Variants in OPA1 observed in about 807,000 individuals in gnomAD.
OPA1 encodes OPA1 mitochondrial dynamin like GTPase.
In OPA1, 59 loss-of-function variants were observed where a neutral mutation model predicts 152.9. The ratio of observed to expected loss-of-function variants is 0.39; its 90% CI spans 0.31 to 0.48. The LOEUF (loss-of-function observed/expected upper bound fraction) is 0.48. Among genes scored for constraint, OPA1 ranks in the 20% least tolerant of loss-of-function variants. OPA1 has a pLI of 0.96. For missense variants in OPA1, 1,008 were observed against 1,216.8 expected (o/e 0.83, Z 2.55); for synonymous variants, 400 against 389.9 (o/e 1.03, Z -0.31).
chr3:193,678,530 C>T (rs749529455), intron 29 of OPA1, among the ~76,000 whole-genome samples: 4 of 152,120 alleles, frequency 2.6e-5, no homozygotes, highest in African/African-American at 4.8e-5. Flanking sequence ...ACCCACAGCT[C>T]GTTGTCATTG....
chr3:193,637,887 A>G lies in OPA1; in HGVS notation c.1036-65A>G. ...CTAAAAAACTCAGAGCAGCATTACA[A>G]ATAGGTTTTAATTTTAATTTGGTAT... On this transcript the variant is annotated intron_variant, in intron 10 of 30. Transcript: ENST00000361510. 6.2e-6 allele frequency: 8 copies of G among 1,287,154 alleles called. No individual in the cohort carries two copies. In the South Asian group the frequency reaches 8.6e-5, roughly 14 times the overall value. The allele number at this position is 1,287,154 out of a possible 1,614,324, so 79.7% of individuals were successfully genotyped here.
chr3:193,684,270 C>G (rs1414070078), intron 29 of OPA1, among the ~76,000 whole-genome samples: 2 of 152,050 alleles, frequency 1.3e-5, no homozygotes, highest in Non-Finnish European at 2.9e-5. Context: ...TTTGGTTTGG[C>G]TTATCTAAAG....
At chr3:193,615,585 T>A (rs1439382813) in intron 2 of OPA1, 89 bp from the exon 3 acceptor site, 8 of 811,272 alleles carry the variant, frequency 9.9e-6, no homozygotes, top group Middle Eastern at 2.4e-4. Context: ...TTATTCTTAG[T>A]AGATTAATGT....
At chr3:193,673,853 T>A (rs1718439776) in intron 29 of OPA1, among the ~76,000 whole-genome samples, 1 of 152,226 alleles carries the variant, frequency 6.6e-6, no homozygotes, top group South Asian at 2.1e-4. Flanking sequence ...ACAGGCCTAT[T>A]TTAATGGTAT....
chr3:193,631,170 A>G (rs2108976847), intron 7 of OPA1, among the ~76,000 whole-genome samples: 1 of 152,368 alleles, frequency 6.6e-6, no homozygotes, highest in South Asian at 2.1e-4. Flanking sequence ...ACTGTGACCA[A>G]TGAGCTTTTT....
At chr3:193,684,731 G>A (rs1055748705) in intron 29 of OPA1, among the ~76,000 whole-genome samples, 8 of 151,994 alleles carry the variant, frequency 5.3e-5, no homozygotes, top group Non-Finnish European at 8.8e-5. Context: ...GATTACAGGC[G>A]TGAGCCACTG....
chr3:193,608,884 C>T (rs1577137352), intron 1 of OPA1, among the ~76,000 whole-genome samples: 1 of 151,988 alleles, frequency 6.6e-6, no homozygotes, highest in Non-Finnish European at 1.5e-5. Flanking sequence ...AATCTGGGTG[C>T]TCCTGTATTG....
At chr3:193,626,833 G>T (rs1731229297) in intron 7 of OPA1, among the ~76,000 whole-genome samples, 1 of 152,130 alleles carries the variant, frequency 6.6e-6, no homozygotes, top group Non-Finnish European at 1.5e-5. Flanking sequence ...GGTTGCTAAA[G>T]AACAAGTTCT....
At position 193,695,281 on chromosome 3, in the gene OPA1, G is replaced by T. The variant is rs1722156655; in HGVS notation, c.*681G>T. On this transcript the variant is annotated 3_prime_UTR_variant, in exon 31 of 31. Coordinates refer to ENST00000361510, the MANE Select transcript of OPA1 (RefSeq NM_130837.3). ...AGCTTACCTATTTGATTCAGTTGCT[G>T]TTTTCTCACTCTCTATATCCATTTG... The T allele has an allele frequency of 6.6e-6, 1 of 152,120 alleles. No individual in the cohort carries two copies. Among genetic ancestry groups the T allele is most frequent in the Non-Finnish European group, 1.5e-5 (1 of 68,010 alleles). The allele number at this position is 152,120 out of a possible 1,614,324, so 9.4% of individuals were successfully genotyped here.
Position 193,694,773 on chromosome 3 carries a change from G to A in OPA1, c.*173G>A, listed in dbSNP as rs982955390. 6 of 152,284 alleles carry A rather than the reference G, an allele frequency of 3.9e-5. No homozygotes were observed. Among genetic ancestry groups the A allele is most frequent in the South Asian group, 2.1e-4 (1 of 4,820 alleles). The allele number at this position is 152,284 out of a possible 1,614,324, so 9.4% of individuals were successfully genotyped here. ...GCGCTTTAACCATCAGCTGCCTCTC[G>A]AATGGAAGAACAGTGGTAATGGATT... On this transcript the variant is annotated 3_prime_UTR_variant, in exon 31 of 31. Coordinates refer to ENST00000361510, the MANE Select transcript of OPA1 (RefSeq NM_130837.3).
chr3:193,607,038 T>C (rs1470145159), intron 1 of OPA1, among the ~76,000 whole-genome samples: 2 of 152,268 alleles, frequency 1.3e-5, no homozygotes, highest in Non-Finnish European at 2.9e-5. Flanking sequence ...CATTTTTTCA[T>C]GTGTCTTTTG....
At chr3:193,607,161 A>G (rs1727419555) in intron 1 of OPA1, among the ~76,000 whole-genome samples, 1 of 152,106 alleles carries the variant, frequency 6.6e-6, no homozygotes, top group African/African-American at 2.4e-5. Context: ...TAGATTCTGG[A>G]TATTAGCCCT....
chr3:193,656,480 T>C (rs1398057227), intron 22 of OPA1, among the ~76,000 whole-genome samples: 1 of 152,228 alleles, frequency 6.6e-6, no homozygotes, highest in South Asian at 2.1e-4. Context: ...AGGAGTTAGC[T>C]ATAATACAAA....
chr3:193,652,334 A>T (rs1270783568), intron 21 of OPA1, among the ~76,000 whole-genome samples: 2 of 152,022 alleles, frequency 1.3e-5, no homozygotes, highest in African/African-American at 4.8e-5. Flanking sequence ...GTGAGCCGAG[A>T]CTGTGCCACT....
At chr3:193,619,221 C>G (rs1161423710) in intron 6 of OPA1, among the ~76,000 whole-genome samples, 1 of 152,150 alleles carries the variant, frequency 6.6e-6, no homozygotes, top group Non-Finnish European at 1.5e-5. Flanking sequence ...GAGAAAGGCT[C>G]GTTTAGACAA....
intron 9 of OPA1, 142 bp from the exon 10 acceptor site, chr3:193,637,053 A>T (rs1159308114): frequency 2.0e-6 from 1 of 508,610 alleles, no homozygotes; most frequent in South Asian, 2.9e-5. Flanking sequence ...TACGATGAAG[A>T]TGTATTTATG....
chr3:193,671,928 A>C (rs1384705508), intron 29 of OPA1, among the ~76,000 whole-genome samples: 2 of 152,188 alleles, frequency 1.3e-5, no homozygotes, highest in East Asian at 3.8e-4. Flanking sequence ...TTCTACCTTA[A>C]TTTCTTGTTT....
At chr3:193,640,016 G>A (rs958072696) in intron 11 of OPA1, among the ~76,000 whole-genome samples, 1 of 152,152 alleles carries the variant, frequency 6.6e-6, no homozygotes, top group African/African-American at 2.4e-5. Flanking sequence ...TTGCATGGAA[G>A]TCTGTCAGTG....
In OPA1 at chr3:193,598,715, AGATTATT is replaced by A. The variant is rs145490531; in HGVS notation, c.32+5317_32+5323del. Among the ~76,000 whole-genome samples the A allele has an allele frequency of 5.9e-4, 90 of 152,336 alleles. No individual in the cohort carries two copies. In the East Asian group the frequency reaches 0.016, roughly 27 times the overall value. On this transcript the variant is annotated intron_variant, in intron 1 of 30. Transcript: ENST00000361510. Reference sequence around the variant, plus strand: ...TAGGTAAGGAGAAGAAAGAAATATCAGATTATTGATTATTGATGGCGACTCTCTAATA... The same window carrying A: ...TAGGTAAGGAGAAGAAAGAAATATCAGATTATTGATGGCGACTCTCTAATA...
Sources: gnomAD v4.1 joint callset for allele counts (sites outside exome capture counted in the v4.1 genomes callset) on GRCh38, gnomAD v4.1.1 for gene constraint, MANE v1.5 for transcripts, NCBI Gene and HGNC (gene_info 2026-07-23, HGNC 2026-07-21) for gene names.